FGF12: variants seen among roughly 807,000 people sequenced by gnomAD.
The protein encoded by FGF12 is fibroblast growth factor 12.
FGF12 carries 14 observed loss-of-function variants against 23.6 expected under a neutral mutation model. The ratio of observed to expected loss-of-function variants is 0.59; its 90% CI spans 0.39 to 0.93. FGF12 has a LOEUF of 0.93. Ranked by LOEUF, FGF12 falls within the 40% of genes least tolerant of loss-of-function variation. FGF12 has a pLI of 0.00. For missense variants in FGF12, 175 were observed against 217.8 expected (o/e 0.80, Z 1.24); for synonymous variants, 62 against 77.3 (o/e 0.80, Z 1.04).
chr3:192,493,649 T>C (rs1222073448), intron 2 of FGF12, among the ~76,000 whole-genome samples: 8 of 152,074 alleles, frequency 5.3e-5, no homozygotes, highest in Admixed American at 2.6e-4. Context: ...TCAGGAAACT[T>C]ACAATCACGG....
At chr3:192,483,556 T>C (rs1723540882) in intron 2 of FGF12, among the ~76,000 whole-genome samples, 1 of 152,106 alleles carries the variant, frequency 6.6e-6, no homozygotes, top group Non-Finnish European at 1.5e-5. Context: ...ATCAGTTCAA[T>C]AAATAAACGA....
intron 4 of FGF12, among the ~76,000 whole-genome samples, chr3:192,203,122 G>A (rs1285089374): frequency 1.3e-5 from 2 of 148,178 alleles, no homozygotes; most frequent in South Asian, 2.1e-4. Context: ...GTACTTAAAA[G>A]CATTAAATAT....
intron 2 of FGF12, among the ~76,000 whole-genome samples, chr3:192,414,768 C>G (rs2108780381): frequency 6.6e-6 from 1 of 152,224 alleles, no homozygotes; most frequent in East Asian, 1.9e-4. Flanking sequence ...ATGAGAATGC[C>G]AAATGTACTT....
At chr3:192,291,554 G>T (rs1714760280) in intron 4 of FGF12, among the ~76,000 whole-genome samples, 1 of 151,824 alleles carries the variant, frequency 6.6e-6, no homozygotes, top group Non-Finnish European at 1.5e-5. Context: ...ATGCATTCCT[G>T]CCAGGGCAAA....
At chr3:192,244,931 TCTC>T (rs1404860087) in intron 4 of FGF12, 7 of 152,194 alleles carry the variant, frequency 4.6e-5, no homozygotes, top group African/African-American at 1.7e-4. Context: ...GGGGATTCTA[TCTC>T]CCAAGCATGC....
At chr3:192,290,611 A>G (rs1470308627) in intron 4 of FGF12, among the ~76,000 whole-genome samples, 1 of 152,162 alleles carries the variant, frequency 6.6e-6, no homozygotes, top group Non-Finnish European at 1.5e-5. Flanking sequence ...CTAACAGAGT[A>G]TTCATTTGCC....
chr3:192,401,787 T>C (rs778728348), intron 2 of FGF12, among the ~76,000 whole-genome samples: 1 of 152,194 alleles, frequency 6.6e-6, no homozygotes, highest in Admixed American at 6.5e-5. Flanking sequence ...CTTGTTCTTA[T>C]TGCTTCAGCT....
intron 2 of FGF12, among the ~76,000 whole-genome samples, chr3:192,427,153 C>T (rs959436505): frequency 4.6e-5 from 7 of 152,064 alleles, no homozygotes; most frequent in African/African-American, 9.6e-5. Context: ...GAGGCAGAGG[C>T]GGGTAGATCA....
chr3:192,216,102 C>G (rs1227377822), intron 4 of FGF12, among the ~76,000 whole-genome samples: 1 of 152,260 alleles, frequency 6.6e-6, no homozygotes, highest in East Asian at 1.9e-4. Flanking sequence ...ATTTACTTTC[C>G]TCTGAAACCA....
At chr3:192,590,732 C>CCTTG (rs1162650945) in intron 2 of FGF12, among the ~76,000 whole-genome samples, 5 of 151,892 alleles carry the variant, frequency 3.3e-5, no homozygotes, top group Non-Finnish European at 7.4e-5. Flanking sequence ...ATCACATGGA[C>CCTTG]CTTGCCACAT....
intron 2 of FGF12, among the ~76,000 whole-genome samples, chr3:192,678,458 A>G (rs1717405228): frequency 6.6e-6 from 1 of 152,132 alleles, no homozygotes; most frequent in South Asian, 2.1e-4. Flanking sequence ...CAGCTCTTCC[A>G]CCTGCATTTA....
chr3:192,696,752 A>C lies in FGF12; in HGVS notation c.13+30429T>G, dbSNP rs377164459. On this transcript the variant is annotated intron_variant, in intron 2 of 5. Coordinates refer to ENST00000445105, the MANE Select transcript of FGF12 (RefSeq NM_004113.6). Reference sequence around the variant, plus strand: ...CTTAAAGGGGCTAGCGGTCTTGTTAAATGTGAATTCTAGCTCAGTAGGTCT... The same window carrying C: ...CTTAAAGGGGCTAGCGGTCTTGTTACATGTGAATTCTAGCTCAGTAGGTCT... Among the ~76,000 whole-genome samples, 8 of 152,106 alleles carry C rather than the reference A, an allele frequency of 5.3e-5. 1 individual carries two copies. The East Asian group carries it at 1.4e-3, about 26-fold the overall frequency.
At chr3:192,383,531 AAT>A (rs1202366603) in intron 2 of FGF12, among the ~76,000 whole-genome samples, 3 of 133,050 alleles carry the variant, frequency 2.3e-5, no homozygotes, top group African/African-American at 8.4e-5. Context: ...AAAAAAAAAA[AAT>A]CTGATTAAAA....
chr3:192,197,147 A>G (rs1717109229), intron 4 of FGF12, among the ~76,000 whole-genome samples: 1 of 152,238 alleles, frequency 6.6e-6, no homozygotes, highest in Non-Finnish European at 1.5e-5. Context: ...ATTCGGCAGT[A>G]CATGTGCAAT....
chr3:192,498,809 A>C (rs1306247449), intron 2 of FGF12, among the ~76,000 whole-genome samples: 2 of 152,234 alleles, frequency 1.3e-5, no homozygotes, highest in Non-Finnish European at 2.9e-5. Flanking sequence ...AACAAGTTTA[A>C]ATCAATAAAA....
At chr3:192,593,517 C>T (rs1412688795) in intron 2 of FGF12, among the ~76,000 whole-genome samples, 1 of 151,944 alleles carries the variant, frequency 6.6e-6, no homozygotes, top group African/African-American at 2.4e-5. Context: ...CTACTGAATA[C>T]CCAGTGCCTG....
intron 2 of FGF12, among the ~76,000 whole-genome samples, chr3:192,466,465 G>C (rs188241718): frequency 6.6e-6 from 1 of 151,998 alleles, no homozygotes. Context: ...GAGCACAACA[G>C]GTATATACCT....
intron 2 of FGF12, among the ~76,000 whole-genome samples, chr3:192,640,593 G>A (rs901062247): frequency 6.6e-6 from 1 of 152,108 alleles, no homozygotes; most frequent in Non-Finnish European, 1.5e-5. Flanking sequence ...AGGATAACAT[G>A]GCCTGCCAGT....
At chr3:192,636,708 T>C (rs947444486) in intron 2 of FGF12, among the ~76,000 whole-genome samples, 11 of 152,196 alleles carry the variant, frequency 7.2e-5, no homozygotes, top group African/African-American at 2.7e-4. Context: ...AACCTAGCCA[T>C]ACTGGTCAGC....
Sources: allele counts gnomAD v4.1 joint callset (sites outside exome capture counted in the v4.1 genomes callset), GRCh38; gene constraint gnomAD v4.1.1; transcripts MANE v1.5; gene names NCBI Gene and HGNC (gene_info 2026-07-23, HGNC 2026-07-21).